FAM13B: variants seen among roughly 807,000 people sequenced by gnomAD.
FAM13B encodes the protein family with sequence similarity 13 member B, also known as protein FAM13B.
FAM13B carries 60 observed loss-of-function variants against 117.3 expected under a neutral mutation model. That is an observed-to-expected ratio of 0.51 (90% CI 0.42 to 0.63). FAM13B has a LOEUF of 0.63. FAM13B is among the 30% of genes least tolerant of loss of function. The pLI is 0.00. For missense variants in FAM13B, 972 were observed against 1,091.9 expected, an observed-to-expected ratio of 0.89 and a Z score of 1.55; for synonymous variants, 332 against 356.1, an observed-to-expected ratio of 0.93 and a Z score of 0.76.
intron 1 of FAM13B, among the ~76,000 whole-genome samples, chr5:138,030,006 C>T (rs1789468204): frequency 6.6e-6 from 1 of 152,118 alleles, no homozygotes; most frequent in Non-Finnish European, 1.5e-5. Flanking sequence ...ATTTCCTTCT[C>T]TAGTAGAAAT....
chr5:137,948,839 T>C (rs893233653), intron 18 of FAM13B, 116 bp downstream of exon 18: 14 of 713,680 alleles, frequency 2.0e-5, no homozygotes, highest in South Asian at 1.6e-4. Context: ...TCTGCAAAGA[T>C]GGGGAGCAGA....
intron 7 of FAM13B, among the ~76,000 whole-genome samples, chr5:137,995,442 TG>T (rs1779623542): frequency 6.6e-6 from 1 of 152,194 alleles, no homozygotes. Flanking sequence ...TACTAAAATA[TG>T]CAAAATAGTG....
At chr5:137,958,785 T>A (rs1443095142) in intron 13 of FAM13B, among the ~76,000 whole-genome samples, 1 of 152,244 alleles carries the variant, frequency 6.6e-6, no homozygotes, top group Non-Finnish European at 1.5e-5. Context: ...AACTTTACAC[T>A]GAATATCCAT....
At chr5:137,973,176 G>A (rs1196244348) in intron 10 of FAM13B, among the ~76,000 whole-genome samples, 1 of 152,182 alleles carries the variant, frequency 6.6e-6, no homozygotes, top group Non-Finnish European at 1.5e-5. Context: ...AAAGAACAAA[G>A]CTGGAGGCAT....
intron 23 of FAM13B, 107 bp downstream of exon 23, chr5:137,941,837 C>T (rs769824481): frequency 2.5e-5 from 23 of 908,700 alleles, no homozygotes; most frequent in Non-Finnish European, 3.4e-5. Context: ...TCAGTGCTAG[C>T]ATCCTATATG....
At chr5:137,952,424 A>G (rs914723942) in intron 17 of FAM13B, among the ~76,000 whole-genome samples, 1 of 152,232 alleles carries the variant, frequency 6.6e-6, no homozygotes, top group Non-Finnish European at 1.5e-5. Flanking sequence ...CATTTAAAAT[A>G]TAATACAGAA....
intron 7 of FAM13B, among the ~76,000 whole-genome samples, chr5:138,003,372 G>A (rs1221962193): frequency 6.6e-6 from 1 of 151,980 alleles, no homozygotes; most frequent in South Asian, 2.1e-4. Flanking sequence ...CATGTAAAGG[G>A]TTTTATTTAC....
chr5:137,951,497 A>ATTTTTTTTTT, intron 17 of FAM13B, among the ~76,000 whole-genome samples: 1 of 151,734 alleles, frequency 6.6e-6, no homozygotes, highest in African/African-American at 2.4e-5. Context: ...ACTCTATACA[A>ATTTTTTTTTT]AATTTTAAAA....
At chr5:137,987,694 T>C in intron 8 of FAM13B, 78 bp from the exon 9 acceptor site, 6 of 1,375,710 alleles carry the variant, frequency 4.4e-6, no homozygotes, top group Non-Finnish European at 5.9e-6. Flanking sequence ...TGCTAAAACC[T>C]ATGACCAGTA....
intron 10 of FAM13B, among the ~76,000 whole-genome samples, chr5:137,977,774 G>A (rs1315637769): frequency 6.6e-6 from 1 of 152,100 alleles, no homozygotes; most frequent in Non-Finnish European, 1.5e-5. Flanking sequence ...TCTCAACCAT[G>A]AAATCCTCTA....
intron 10 of FAM13B, among the ~76,000 whole-genome samples, chr5:137,984,926 G>A (rs188282481): frequency 9.6e-4 from 146 of 151,552 alleles, no homozygotes; most frequent in Non-Finnish European, 1.6e-3. Context: ...CCACCACCAC[G>A]CCCGGCTAAT....
intron 4 of FAM13B, among the ~76,000 whole-genome samples, chr5:138,014,572 G>T (rs913458232): frequency 4.6e-5 from 7 of 152,340 alleles, no homozygotes; most frequent in South Asian, 4.1e-4. Context: ...GTGTCAAAAA[G>T]GTTGGGGATT....
intron 1 of FAM13B, among the ~76,000 whole-genome samples, chr5:138,042,213 A>ATGAATC (rs1221944591): frequency 3.9e-5 from 6 of 152,262 alleles, no homozygotes; most frequent in African/African-American, 1.4e-4. Context: ...CAACAATGTG[A>ATGAATC]TGAATCACAA....
In FAM13B at chr5:138,011,854, A is replaced by T; in HGVS notation, c.462T>A (p.Cys154Ter). The change falls in exon 5 of 24, where the codon TGT becomes TGA. Residue 154 changes from cysteine to a stop codon, truncating the protein, a stop_gained. Transcript: ENST00000689681. LOFTEE classifies it high-confidence loss of function. ...PVNYSLLKFL[C>*]RFLANVASHH... is the part of the protein sequence containing the mutation. ...GTGATGCTACATTGGCTAAAAATCT[A>T]CACAGAAACTTTAACAAACTATAAT... 6.2e-7 allele frequency: 1 copy of T among 1,605,608 alleles called. No individual in the cohort carries two copies. The highest frequency in any genetic ancestry group is 8.5e-7 in the Non-Finnish European group (1 of 1,177,620).
At chr5:137,968,921 C>A (rs1771047670) in intron 10 of FAM13B, among the ~76,000 whole-genome samples, 1 of 152,220 alleles carries the variant, frequency 6.6e-6, no homozygotes, top group African/African-American at 2.4e-5. Flanking sequence ...AAACGGCACA[C>A]CAGGACATTA....
At chr5:138,050,113 G>A (rs954319055) in intron 1 of FAM13B, among the ~76,000 whole-genome samples, 8 of 151,928 alleles carry the variant, frequency 5.3e-5, no homozygotes, top group Non-Finnish European at 1.2e-4. Context: ...ACTCCAGCCT[G>A]AGTGACAGAG....
chr5:137,987,336 C>T, intron 9 of FAM13B, 125 bp downstream of exon 9: 1 of 802,838 alleles, frequency 1.2e-6, no homozygotes, highest in South Asian at 2.1e-5. Context: ...TATACAAAGT[C>T]ACTTTTCACA....
chr5:138,027,764 C>T (rs1242862113), intron 1 of FAM13B, among the ~76,000 whole-genome samples: 2 of 152,210 alleles, frequency 1.3e-5, no homozygotes, highest in Admixed American at 6.5e-5. Context: ...GTAATCCTCA[C>T]GTGTGGAGAG....
At chr5:137,979,090 G>A (rs977302532) in intron 10 of FAM13B, among the ~76,000 whole-genome samples, 5 of 149,006 alleles carry the variant, frequency 3.4e-5, no homozygotes, top group Admixed American at 6.8e-5. Context: ...TCAGCTCACT[G>A]CAACCTCCTC....
Sources: allele counts gnomAD v4.1 joint callset (sites outside exome capture counted in the v4.1 genomes callset), GRCh38; gene constraint gnomAD v4.1.1; transcripts MANE v1.5; gene names NCBI Gene and HGNC (gene_info 2026-07-23, HGNC 2026-07-21).